NBEA: variants seen among roughly 807,000 people sequenced by gnomAD.
NBEA encodes the protein lysosomal-trafficking regulator 2.
NBEA carries 44 observed loss-of-function variants against 343.4 expected under a neutral mutation model. The observed-to-expected ratio is 0.13, with a 90% CI of 0.10 to 0.16. The LOEUF (loss-of-function observed/expected upper bound fraction) is 0.16. NBEA is among the 10% of genes least tolerant of loss of function. NBEA has a pLI of 1.00. For missense variants in NBEA, 2,555 were observed against 3,631.3 expected, an observed-to-expected ratio of 0.70 and a Z score of 7.62; for synonymous variants, 1,175 against 1,238.7, an observed-to-expected ratio of 0.95 and a Z score of 1.08.
intron 46 of NBEA, among the ~76,000 whole-genome samples, chr13:35,586,228 T>C (rs2081288704): frequency 6.6e-6 from 1 of 152,208 alleles, no homozygotes; most frequent in African/African-American, 2.4e-5. Flanking sequence ...AGGTCTTCCT[T>C]AGGCATTCTC....
chr13:35,500,711 C>CT (rs34522325), intron 41 of NBEA, among the ~76,000 whole-genome samples: 1 of 17,110 alleles, frequency 5.8e-5, no homozygotes, highest in African/African-American at 2.4e-4. Flanking sequence ...TTTCCTGGCT[C>CT]TTCTTTTTTT....
chr13:35,491,706 G>A (rs945275201), intron 41 of NBEA, among the ~76,000 whole-genome samples: 1 of 151,772 alleles, frequency 6.6e-6, no homozygotes, highest in South Asian at 2.1e-4. Flanking sequence ...GGTTATCTGA[G>A]GCAATATAGA....
rs149284581 is a variant in NBEA at position 35,468,407 on chromosome 13, T to C, written c.6449-3993T>C. On this transcript the variant is annotated intron_variant, in intron 40 of 58. Transcript: ENST00000379939. ...TGCATACCACAAAAATACCAGACAT[T>C]CCCCTCTTTTGGCTAATATGAGTGA... Among the ~76,000 whole-genome samples the C allele has an allele frequency of 1.9e-3, 296 of 152,170 alleles. 4 individuals are homozygous for C. The highest frequency in any genetic ancestry group is 0.013 in the Admixed American group (203 of 15,292).
chr13:35,458,456 G>A (rs1226075262), intron 40 of NBEA, among the ~76,000 whole-genome samples: 1 of 152,120 alleles, frequency 6.6e-6, no homozygotes, highest in African/African-American at 2.4e-5. Context: ...ATGTTATGTA[G>A]GTAAACTGGA....
At chr13:35,170,403 C>T (rs1055532122) in intron 25 of NBEA, among the ~76,000 whole-genome samples, 5 of 151,656 alleles carry the variant, frequency 3.3e-5, no homozygotes, top group Admixed American at 1.3e-4. Flanking sequence ...GTATTCCCTT[C>T]CTTGGTTCCT....
At chr13:35,200,898 A>T (rs1040084606) in intron 31 of NBEA, among the ~76,000 whole-genome samples, 1 of 152,014 alleles carries the variant, frequency 6.6e-6, no homozygotes, top group Non-Finnish European at 1.5e-5. Context: ...AAATATTTTT[A>T]AAAATATTGA....
intron 1 of NBEA, among the ~76,000 whole-genome samples, chr13:34,989,657 T>A (rs1361312987): frequency 6.6e-6 from 1 of 150,690 alleles, no homozygotes; most frequent in Non-Finnish European, 1.5e-5. Flanking sequence ...ACTATATCAT[T>A]CCACACCTAG....
At chr13:35,416,879 G>A (rs763933956) in intron 38 of NBEA, among the ~76,000 whole-genome samples, 1 of 152,034 alleles carries the variant, frequency 6.6e-6, no homozygotes, top group African/African-American at 2.4e-5. Context: ...GACTTTTTTG[G>A]TTGGTAGGCT....
intron 1 of NBEA, among the ~76,000 whole-genome samples, chr13:34,998,253 AC>A (rs1341032204): frequency 1.3e-5 from 2 of 152,196 alleles, no homozygotes; most frequent in African/African-American, 2.4e-5. Flanking sequence ...CACCTGCTTC[AC>A]AAGGTAATAA....
intron 55 of NBEA, among the ~76,000 whole-genome samples, chr13:35,659,326 T>C (rs2084958773): frequency 6.6e-6 from 1 of 152,196 alleles, no homozygotes; most frequent in South Asian, 2.1e-4. Flanking sequence ...CATGAAATGA[T>C]AGGATTTATC....
At chr13:35,475,278 T>C (rs767794089) in intron 41 of NBEA, 2 of 1,614,056 alleles carry the variant, frequency 1.2e-6, no homozygotes, top group South Asian at 2.2e-5. Flanking sequence ...AGTCCGACTC[T>C]CGGGGATGCT....
intron 1 of NBEA, among the ~76,000 whole-genome samples, chr13:34,976,945 T>A (rs1487911328): frequency 6.6e-6 from 1 of 151,080 alleles, no homozygotes; most frequent in Non-Finnish European, 1.5e-5. Context: ...TCTCTATTTT[T>A]TTTTTTTTTT....
At chr13:35,418,053 G>C (rs901653839) in intron 38 of NBEA, among the ~76,000 whole-genome samples, 1 of 152,090 alleles carries the variant, frequency 6.6e-6, no homozygotes, top group Non-Finnish European at 1.5e-5. Flanking sequence ...TCAGAGACTA[G>C]GATTGCAACC....
At chr13:35,328,284 A>G (rs2038706036) in intron 36 of NBEA, among the ~76,000 whole-genome samples, 1 of 152,028 alleles carries the variant, frequency 6.6e-6, no homozygotes, top group African/African-American at 2.4e-5. Context: ...CAAAAATAGG[A>G]AGCACTTAGG....
chr13:35,010,086 T>A (rs996640732), intron 1 of NBEA, among the ~76,000 whole-genome samples: 4 of 152,136 alleles, frequency 2.6e-5, no homozygotes, highest in Admixed American at 2.6e-4. Flanking sequence ...TAAGAGGAGA[T>A]GACAAGAAGT....
intron 37 of NBEA, among the ~76,000 whole-genome samples, 157 bp from the exon 38 acceptor site, chr13:35,352,000 G>T (rs759980807): frequency 8.6e-5 from 13 of 151,930 alleles, no homozygotes; most frequent in Non-Finnish European, 1.6e-4. Context: ...TATTTGAAAG[G>T]TGACTATATG....
rs1469659331 is a variant in NBEA, at chr13:35,173,499, C to A, written c.4459C>A (p.Arg1487=). The change falls in exon 27 of 59, where the codon CGG becomes AGG. Residue 1487 remains arginine, a synonymous_variant. Coordinates refer to ENST00000379939, the MANE Select transcript of NBEA (RefSeq NM_001385012.1). ...CVAVRNCLEC[R]QRQRDRGNKS... ...TGCTGTGAGAAACTGTTTAGAATGTCGGCAAAGACAGAGAGACAGGGGAAA... is the reference window on the plus strand; with the variant it reads ...TGCTGTGAGAAACTGTTTAGAATGTAGGCAAAGACAGAGAGACAGGGGAAA... 3.7e-6 allele frequency: 6 copies of A among 1,608,934 alleles called. No homozygotes were observed. Among genetic ancestry groups the A allele is most frequent in the Middle Eastern group, 1.7e-4 (1 of 6,030 alleles).
At chr13:35,054,748 A>G (rs1593602919) in intron 6 of NBEA, among the ~76,000 whole-genome samples, 1 of 146,738 alleles carries the variant, frequency 6.8e-6, no homozygotes, top group Middle Eastern at 3.6e-3. Flanking sequence ...GGTTCAAGTG[A>G]TTCTTGTGCC....
rs767466914 is a variant in NBEA, at chr13:35,646,244, C to T, written c.7681-15C>T. 3 of 1,593,050 alleles carry T rather than the reference C, an allele frequency of 1.9e-6. No individual in the cohort carries two copies. Among genetic ancestry groups the T allele is most frequent in the South Asian group, 2.2e-5 (2 of 89,860 alleles). The stretch of plus-strand genomic sequence containing the variant: ...ATGCATATTGATTATGACAATCACC[C>T]TCCTTCCCCTGCAGGCCATGGAGGC... On this transcript the variant is annotated splice_polypyrimidine_tract_variant and intron_variant, in intron 50 of 58. Transcript: ENST00000379939.
Sources: gnomAD v4.1 joint callset for allele counts (sites outside exome capture counted in the v4.1 genomes callset) on GRCh38, gnomAD v4.1.1 for gene constraint, MANE v1.5 for transcripts, NCBI Gene and HGNC (gene_info 2026-07-23, HGNC 2026-07-21) for gene names.